The following UHMK1 variants were observed in gnomAD, a reference collection of about 807,000 sequenced individuals.
The protein encoded by UHMK1 is U2AF homology motif kinase 1.
In UHMK1, 18 loss-of-function variants were observed where a neutral mutation model predicts 44.0. The observed-to-expected ratio is 0.41, with a 90% CI of 0.28 to 0.61. The LOEUF (loss-of-function observed/expected upper bound fraction) is 0.61. Among genes scored for constraint, UHMK1 ranks in the 20% least tolerant of loss-of-function variants. The pLI is 0.31. For missense variants in UHMK1, 463 were observed against 522.5 expected (o/e 0.89, Z 1.11); for synonymous variants, 231 against 198.5 (o/e 1.16, Z -1.38).
intron 3 of UHMK1, 116 bp from the exon 4 acceptor site, chr1:162,503,638 A>C: frequency 4.3e-6 from 2 of 464,508 alleles, no homozygotes; most frequent in Non-Finnish European, 3.8e-6. Context: ...AAAAGATTGT[A>C]GGCTCTCAGA....
At chr1:162,519,644 G>GT (rs1651983837) in intron 7 of UHMK1, among the ~76,000 whole-genome samples, 1 of 152,152 alleles carries the variant, frequency 6.6e-6, no homozygotes, top group Admixed American at 6.6e-5. Context: ...GACAAAGAAT[G>GT]TAAGAAGATA....
At chr1:162,506,688 C>G (rs1407654689) in intron 4 of UHMK1, among the ~76,000 whole-genome samples, 1 of 152,090 alleles carries the variant, frequency 6.6e-6, no homozygotes, top group East Asian at 1.9e-4. Context: ...GGTGGTGAAA[C>G]CCCGTCTCTA....
Position 162,527,035 on chromosome 1 carries a change from A to C in UHMK1, c.*4485A>C, listed in dbSNP as rs74381285. ...GTATTACTTACTAGCTTTCTTGATG[A>C]ATATAAAAATGTTGTCTCCATCATA... On this transcript the variant is annotated 3_prime_UTR_variant, in exon 8 of 8. Coordinates refer to ENST00000489294, the MANE Select transcript of UHMK1 (RefSeq NM_175866.5). 2.7e-3 allele frequency: 405 copies of C among 152,234 alleles called. 2 individuals are homozygous for C. Among genetic ancestry groups the C allele is most frequent in the African/African-American group, 9.2e-3 (383 of 41,554 alleles). 9.4% of individuals were successfully genotyped at this position (152,234 alleles called of 1,614,324 possible).
intron 1 of UHMK1, among the ~76,000 whole-genome samples, 161 bp downstream of exon 1, chr1:162,498,429 C>T (rs553478724): frequency 1.3e-5 from 2 of 152,334 alleles, no homozygotes; most frequent in African/African-American, 4.8e-5. Context: ...CACTTTATTA[C>T]TGTCTGCGGT....
chr1:162,517,638 G>A (rs1218532097), intron 6 of UHMK1, among the ~76,000 whole-genome samples: 1 of 152,140 alleles, frequency 6.6e-6, no homozygotes, highest in African/African-American at 2.4e-5. Context: ...TGTAATCCCA[G>A]CACTTTAGGA....
rs142586112 is a variant in UHMK1, at chr1:162,525,175, C to G, written c.*2625C>G. 9.2e-5 allele frequency: 14 copies of G among 152,266 alleles called. No homozygotes were observed. Among genetic ancestry groups the G allele is most frequent in the African/African-American group, 2.9e-4 (12 of 41,566 alleles). The allele number at this position is 152,266 out of a possible 1,614,324, so 9.4% of individuals were successfully genotyped here. A position where few individuals can be genotyped will look rare whatever the true frequency, so the allele number is the denominator to read the frequency against. The stretch of plus-strand genomic sequence containing the variant: ...TCACATTAGCAGATTACCCCTCCCT[C>G]CTGTGATATTATCTTTCTTAAACCT... On this transcript the variant is annotated 3_prime_UTR_variant, in exon 8 of 8. Transcript: ENST00000489294.
At chr1:162,516,043 AAAC>A (rs1177565120) in intron 6 of UHMK1, among the ~76,000 whole-genome samples, 2 of 152,002 alleles carry the variant, frequency 1.3e-5, no homozygotes, top group Non-Finnish European at 2.9e-5. Context: ...CAAAAAAAAA[AAAC>A]AACAAAACTG....
chr1:162,512,586 G>A lies in UHMK1; in HGVS notation c.925+10G>A. The A allele has an allele frequency of 1.2e-6, 2 of 1,608,022 alleles. No homozygotes were observed. Among genetic ancestry groups the A allele is most frequent in the Middle Eastern group, 1.7e-4 (1 of 6,032 alleles). On this transcript the variant is annotated intron_variant, in intron 5 of 7. Transcript: ENST00000489294. ...TTTAGCATTCCTTTTGGTAAGTTGT[G>A]TATTCTTTTATTTTTTTCTTGGTCA...
intron 2 of UHMK1, 96 bp downstream of exon 2, chr1:162,500,343 A>G (rs2101668480): frequency 7.3e-7 from 1 of 1,374,214 alleles, no homozygotes; most frequent in East Asian, 2.4e-5. Flanking sequence ...AGGGGCTTAC[A>G]AGTCATTTTA....
chr1:162,523,622 A>T lies in UHMK1; in HGVS notation c.*1072A>T, dbSNP rs1333840722. The stretch of plus-strand genomic sequence containing the variant: ...GAAGTGGGTCAAAAGAATTAGATGT[A>T]CAGTGAAGGGAAAAGAAAAAAAATG... On this transcript the variant is annotated 3_prime_UTR_variant, in exon 8 of 8. Transcript: ENST00000489294. 2.6e-5 allele frequency: 4 copies of T among 152,546 alleles called. No individual in the cohort carries two copies. The highest frequency in any genetic ancestry group is 9.6e-5 in the African/African-American group (4 of 41,452). 9.4% of individuals were successfully genotyped at this position (152,546 alleles called of 1,614,324 possible). A position where few individuals can be genotyped will look rare whatever the true frequency, so the allele number is the denominator to read the frequency against.
chr1:162,501,321 C>T (rs542913308), intron 3 of UHMK1, among the ~76,000 whole-genome samples: 2 of 152,172 alleles, frequency 1.3e-5, no homozygotes, highest in African/African-American at 2.4e-5. Flanking sequence ...AGGCGCCAGC[C>T]ACCGTACCCG....
At position 162,526,156 on chromosome 1, in the gene UHMK1, T is replaced by C. The variant is rs2101690345; in HGVS notation, c.*3606T>C. The C allele has an allele frequency of 6.6e-6, 1 of 152,338 alleles. No homozygotes were observed. Among genetic ancestry groups the C allele is most frequent in the African/African-American group, 2.4e-5 (1 of 41,576 alleles). The allele number at this position is 152,338 out of a possible 1,614,324, so 9.4% of individuals were successfully genotyped here. ...TCAGATGCTGTTTCATGGCTTGTTT[T>C]AGTTAATTTATCATGCAGATAACTA... On this transcript the variant is annotated 3_prime_UTR_variant, in exon 8 of 8. Transcript: ENST00000489294.
rs1488550542 is a variant in UHMK1, at chr1:162,500,605, T to C, written c.562-308T>C. 2.0e-5 allele frequency: 8 copies of C among 408,490 alleles called. No individual in the cohort carries two copies. In the Admixed American group the frequency reaches 3.3e-4, roughly 17 times the overall value. The allele number at this position is 408,490 out of a possible 1,614,324, so 25.3% of individuals were successfully genotyped here. On this transcript the variant is annotated intron_variant, in intron 2 of 7. Coordinates refer to ENST00000489294, the MANE Select transcript of UHMK1 (RefSeq NM_175866.5). ...TCTCGTGGCAGAATGCATATGATAG[T>C]TCTGCCAAATCCTCTTTTCTCCATG...
rs1033369664 is a variant in UHMK1 at position 162,501,001 on chromosome 1, C to T, written c.650C>T (p.Thr217Ile). Residue 217 changes from threonine to isoleucine, a missense_variant, in exon 3 of 8, where the codon ACA (threonine) becomes ATA (isoleucine). Physicochemically the swap from Thr to Ile is moderately conservative, Grantham distance 89 (BLOSUM62 -1). Coordinates refer to ENST00000489294, the MANE Select transcript of UHMK1 (RefSeq NM_175866.5). ...GCCCAGGCTGGCCTGCAGAGTGATA[C>T]AGAATGTACCTCAGCTGTTGATCTG... ...CLAQAGLQSDTECTSAVDLWS... is the reference protein window; with the variant it reads ...CLAQAGLQSDIECTSAVDLWS... 6.2e-7 allele frequency: 1 copy of T among 1,614,028 alleles called. No individual in the cohort carries two copies.
intron 7 of UHMK1, among the ~76,000 whole-genome samples, chr1:162,519,426 A>G (rs991301821): frequency 3.9e-5 from 6 of 152,154 alleles, no homozygotes; most frequent in African/African-American, 1.4e-4. Context: ...TAGAAAGCCA[A>G]TTAGGTTAGG....
In UHMK1 at chr1:162,501,068, G is replaced by A; in HGVS notation, c.717G>A (p.Met239Ile). 2 of 1,614,116 alleles carry A rather than the reference G, an allele frequency of 1.2e-6. No homozygotes were observed. The highest frequency in any genetic ancestry group is 1.7e-6 in the Non-Finnish European group (2 of 1,180,018). ...GIILLEMFSG[M>I]KLKHTVRSQE... is the part of the protein sequence containing the mutation. ...TTTTACTGGAAATGTTCTCAGGAAT[G>A]AAACTGAAACATACAGTCAGATCTC... Residue 239 changes from methionine to isoleucine, a missense_variant, in exon 3 of 8, where the codon ATG (methionine) becomes ATA (isoleucine). Met to Ile is a conservative substitution (Grantham distance 10). Coordinates refer to ENST00000489294, the MANE Select transcript of UHMK1 (RefSeq NM_175866.5).
intron 7 of UHMK1, among the ~76,000 whole-genome samples, chr1:162,519,087 C>T (rs752562857): frequency 9.2e-5 from 14 of 151,424 alleles, no homozygotes; most frequent in African/African-American, 2.2e-4. Context: ...GAGGCCGAGG[C>T]GTGTGGATCA....
chr1:162,521,364 C>T (rs1179119160), intron 7 of UHMK1, among the ~76,000 whole-genome samples: 2 of 151,924 alleles, frequency 1.3e-5, no homozygotes, highest in South Asian at 2.1e-4. Flanking sequence ...AAATGCATGT[C>T]TACTCATTTA....
At chr1:162,517,867 T>C (rs545270335) in intron 6 of UHMK1, among the ~76,000 whole-genome samples, 5 of 151,702 alleles carry the variant, frequency 3.3e-5, no homozygotes, top group Admixed American at 3.3e-4. Flanking sequence ...ACAGCGAGAC[T>C]CTGTCTAAAA....
Sources: allele counts gnomAD v4.1 joint callset (sites outside exome capture counted in the v4.1 genomes callset), GRCh38; gene constraint gnomAD v4.1.1; transcripts MANE v1.5; gene names NCBI Gene and HGNC (gene_info 2026-07-23, HGNC 2026-07-21).